FREM3: variants seen among roughly 807,000 people sequenced by gnomAD.
The protein encoded by FREM3 is FRAS1 related extracellular matrix 3.
In FREM3, 105 loss-of-function variants were observed where a neutral mutation model predicts 129.1. That is an observed-to-expected ratio of 0.81 (90% confidence interval 0.69 to 0.96). The LOEUF (loss-of-function observed/expected upper bound fraction) is 0.96, where lower values mean the gene tolerates loss of function less well. Ranked by LOEUF, FREM3 falls within the 40% of genes least tolerant of loss-of-function variation. FREM3 has a pLI of 0.00. For synonymous variants in FREM3, 1,014 were observed against 1,044.9 expected (o/e 0.97, Z 0.57); for missense variants, 2,593 against 2,666.3 (o/e 0.97, Z 0.61).
At chr4:143,685,636 A>T (rs1310072567) in intron 2 of FREM3, among the ~76,000 whole-genome samples, 1 of 152,254 alleles carries the variant, frequency 6.6e-6, no homozygotes, top group African/African-American at 2.4e-5. Context: ...GTACATAGGC[A>T]ACAAAGTGCA....
At chr4:143,586,106 C>A in intron 6 of FREM3, 113 bp from the exon 7 acceptor site, 1 of 1,039,572 alleles carries the variant, frequency 9.6e-7, no homozygotes, top group Non-Finnish European at 1.4e-6. Flanking sequence ...ATGACAGATC[C>A]CATAGGTCTT....
intron 6 of FREM3, among the ~76,000 whole-genome samples, chr4:143,597,605 G>A (rs1167402933): frequency 1.3e-5 from 2 of 152,138 alleles, no homozygotes; most frequent in Non-Finnish European, 2.9e-5. Flanking sequence ...AAAATCACTA[G>A]CATTTCTTTA....
In FREM3 at chr4:143,627,620, A is replaced by G; in HGVS notation, c.5416T>C (p.Phe1806Leu). The change falls in exon 3 of 8, where the codon TTT (phenylalanine) becomes CTT (leucine). Residue 1806 changes from phenylalanine to leucine, a missense_variant. This residue lies in a region of FREM3 where 2,276 missense variants were observed against 2,267.2 expected (regional missense o/e 1.00). Coordinates refer to ENST00000329798, the MANE Select transcript of FREM3 (RefSeq NM_001168235.2). ...CCAATCCAAAGTTACTTACTGATAA[A>G]TGATGTTTCTCCAAGGTATCCTCTG... ...TRRGYLGETS[F>L]ISIGTKDETA... is the part of the protein sequence containing the mutation. 1 of 1,536,112 alleles carries G rather than the reference A, an allele frequency of 6.5e-7. No homozygotes were observed. The highest frequency in any genetic ancestry group is 8.7e-7 in the Non-Finnish European group (1 of 1,146,024).
chr4:143,603,754 A>C (rs1200886922), intron 6 of FREM3, among the ~76,000 whole-genome samples: 1 of 152,142 alleles, frequency 6.6e-6, no homozygotes, highest in Admixed American at 6.6e-5. Context: ...GACCTAAATA[A>C]TATACTTGTT....
intron 2 of FREM3, among the ~76,000 whole-genome samples, chr4:143,690,973 C>T (rs1376644879): frequency 6.6e-6 from 1 of 152,064 alleles, no homozygotes; most frequent in African/African-American, 2.4e-5. Flanking sequence ...ATGATTGCAC[C>T]TGTGAATAGC....
chr4:143,599,086 T>C (rs919211049), intron 6 of FREM3, among the ~76,000 whole-genome samples: 1 of 152,162 alleles, frequency 6.6e-6, no homozygotes, highest in Non-Finnish European at 1.5e-5. Context: ...TGCTCTTGAG[T>C]CAGTATGTCT....
chr4:143,678,232 C>G (rs1322792606), intron 2 of FREM3, among the ~76,000 whole-genome samples: 1 of 152,114 alleles, frequency 6.6e-6, no homozygotes, highest in Non-Finnish European at 1.5e-5. Flanking sequence ...GAGTTCGTGT[C>G]CTTTGTAGAG....
At chr4:143,614,226 A>G (rs1738807771) in intron 5 of FREM3, among the ~76,000 whole-genome samples, 1 of 152,244 alleles carries the variant, frequency 6.6e-6, no homozygotes, top group Admixed American at 6.5e-5. Context: ...ATCTAAATGG[A>G]ACATTCCTTT....
intron 6 of FREM3, among the ~76,000 whole-genome samples, chr4:143,605,913 CT>C (rs1352156922): frequency 1.3e-5 from 2 of 152,110 alleles, no homozygotes; most frequent in Non-Finnish European, 2.9e-5. Context: ...CAGATGTTTT[CT>C]TGGGTAGGTT....
chr4:143,691,523 G>A (rs1740471216), intron 2 of FREM3, among the ~76,000 whole-genome samples: 1 of 152,120 alleles, frequency 6.6e-6, no homozygotes, highest in South Asian at 2.1e-4. Flanking sequence ...ATTTGCGTTG[G>A]CAGTTAAGAG....
At chr4:143,668,853 T>C (rs772240301) in intron 2 of FREM3, among the ~76,000 whole-genome samples, 1 of 152,240 alleles carries the variant, frequency 6.6e-6, no homozygotes, top group Non-Finnish European at 1.5e-5. Flanking sequence ...TTCTCATACA[T>C]GGAGACAACC....
chr4:143,611,941 G>A (rs1245551553), intron 5 of FREM3, among the ~76,000 whole-genome samples: 2 of 152,152 alleles, frequency 1.3e-5, no homozygotes, highest in African/African-American at 4.8e-5. Context: ...GCATAGCTGT[G>A]AGCAGCATCT....
intron 2 of FREM3, among the ~76,000 whole-genome samples, chr4:143,668,726 A>G (rs748336253): frequency 4.6e-5 from 7 of 152,344 alleles, no homozygotes; most frequent in Non-Finnish European, 2.9e-5. Context: ...TGCTTCATAC[A>G]TATATTTTGT....
chr4:143,659,040 T>C (rs1739651703), intron 2 of FREM3, among the ~76,000 whole-genome samples: 1 of 150,166 alleles, frequency 6.7e-6, no homozygotes, highest in South Asian at 2.1e-4. Flanking sequence ...TTCTTTTTTT[T>C]TTTTTATGTG....
chr4:143,689,456 T>G (rs985902084), intron 2 of FREM3, among the ~76,000 whole-genome samples: 6 of 152,134 alleles, frequency 3.9e-5, no homozygotes, highest in African/African-American at 1.4e-4. Flanking sequence ...GTACAGCCAC[T>G]ACAGAAAATA....
At chr4:143,650,504 A>C (rs1432946814) in intron 2 of FREM3, among the ~76,000 whole-genome samples, 2 of 152,106 alleles carry the variant, frequency 1.3e-5, no homozygotes, top group African/African-American at 4.8e-5. Flanking sequence ...TTACTTACTT[A>C]TTTATTATAG....
intron 7 of FREM3, among the ~76,000 whole-genome samples, chr4:143,581,731 C>G (rs926865179): frequency 1.3e-5 from 2 of 152,130 alleles, no homozygotes; most frequent in Non-Finnish European, 2.9e-5. Flanking sequence ...CTGCTCTTCA[C>G]CAGACAGGGC....
Position 143,700,171 on chromosome 4 carries a change from G to A in FREM3, c.505C>T (p.Leu169=). Residue 169 remains leucine (L), a synonymous_variant, in exon 1 of 8, where the codon CTG becomes TTG. Coordinates refer to ENST00000329798, the MANE Select transcript of FREM3 (RefSeq NM_001168235.2). ...ACCAAAGGCCTGTTACGCGTCACCAGCTCCAGCTGGGAGAAGACCAAGTCC... is the reference window on the plus strand; with the variant it reads ...ACCAAAGGCCTGTTACGCGTCACCAACTCCAGCTGGGAGAAGACCAAGTCC... ...AVDLVFSQLE[L]VTRNRPLVVE... The A allele has an allele frequency of 6.5e-7, 1 of 1,537,022 alleles. No individual in the cohort carries two copies. The highest frequency in any genetic ancestry group is 1.2e-5 in the South Asian group (1 of 84,068).
In FREM3 at chr4:143,622,728, A is replaced by G. The variant is rs150396142; in HGVS notation, c.5653+1380T>C. 5.3e-5 allele frequency among the ~76,000 whole-genome samples: 8 copies of G among 152,350 alleles called. No homozygotes were observed. The East Asian group carries it at 1.2e-3, about 22-fold the overall frequency. On this transcript the variant is annotated intron_variant, in intron 4 of 7. Transcript: ENST00000329798. ...TGTCATATGAAAAAATTGATACAATAGGACTAAGTTATTCAGTCATGCCCT... is the reference window on the plus strand; with the variant it reads ...TGTCATATGAAAAAATTGATACAATGGGACTAAGTTATTCAGTCATGCCCT...
Sources: gnomAD v4.1 joint callset for allele counts (sites outside exome capture counted in the v4.1 genomes callset) on GRCh38, gnomAD v4.1.1 for gene constraint, gnomAD v4.1.1 regional missense constraint, MANE v1.5 for transcripts, NCBI Gene and HGNC (gene_info 2026-07-23, HGNC 2026-07-21) for gene names.